Variants in PARP8 observed in about 807,000 individuals in gnomAD.
PARP8 encodes protein mono-ADP-ribosyltransferase PARP8.
PARP8 carries 51 observed loss-of-function variants against 124.1 expected under a neutral mutation model. That is an observed-to-expected ratio of 0.41 (90% CI 0.33 to 0.52). The LOEUF is 0.52. Ranked by LOEUF, PARP8 falls within the 20% of genes least tolerant of loss-of-function variation. The pLI is 0.21. For synonymous variants in PARP8, 391 were observed against 361.5 expected (o/e 1.08, Z -0.93); for missense variants, 860 against 1,018.9 (o/e 0.84, Z 2.12).
chr5:50,738,282 C>T (rs1031927843), intron 2 of PARP8, among the ~76,000 whole-genome samples: 2 of 152,060 alleles, frequency 1.3e-5, no homozygotes, highest in Non-Finnish European at 2.9e-5. Flanking sequence ...TTATCTTTGG[C>T]GAGCAGAAAA....
chr5:50,806,402 A>G (rs1210237284), intron 14 of PARP8, among the ~76,000 whole-genome samples: 1 of 152,080 alleles, frequency 6.6e-6, no homozygotes, highest in Non-Finnish European at 1.5e-5. Context: ...TATAGTAAGT[A>G]GTGGAAATAC....
At chr5:50,811,015 A>T (rs1188868828) in intron 14 of PARP8, among the ~76,000 whole-genome samples, 1 of 152,084 alleles carries the variant, frequency 6.6e-6, no homozygotes, top group Non-Finnish European at 1.5e-5. Context: ...TTTTGTTTCC[A>T]AAAAGCAGAT....
chr5:50,715,648 A>C (rs1346515861), intron 2 of PARP8, among the ~76,000 whole-genome samples: 1 of 152,108 alleles, frequency 6.6e-6, no homozygotes, highest in Non-Finnish European at 1.5e-5. Flanking sequence ...CACCACAGAC[A>C]GTAGTAACAA....
intron 2 of PARP8, among the ~76,000 whole-genome samples, chr5:50,716,420 T>C (rs1755326553): frequency 6.6e-6 from 1 of 152,086 alleles, no homozygotes; most frequent in African/African-American, 2.4e-5. Context: ...GAGCTGGCTT[T>C]ATAGGCAGAA....
At chr5:50,837,253 T>G (rs1319805252) in intron 25 of PARP8, among the ~76,000 whole-genome samples, 1 of 152,146 alleles carries the variant, frequency 6.6e-6, no homozygotes, top group Non-Finnish European at 1.5e-5. Flanking sequence ...TTCATCCTTT[T>G]TGCACCCTCA....
intron 2 of PARP8, among the ~76,000 whole-genome samples, chr5:50,692,543 T>G (rs1752605770): frequency 6.6e-6 from 1 of 152,050 alleles, no homozygotes. Context: ...TCTTCTTTGT[T>G]AGTACAGTGC....
At chr5:50,675,093 C>T (rs913980934) in intron 2 of PARP8, among the ~76,000 whole-genome samples, 2 of 152,184 alleles carry the variant, frequency 1.3e-5, no homozygotes, top group African/African-American at 4.8e-5. Context: ...GATGACAAAT[C>T]ATTCAATATT....
chr5:50,732,571 A>T (rs1757074253), intron 2 of PARP8, among the ~76,000 whole-genome samples: 1 of 152,148 alleles, frequency 6.6e-6, no homozygotes, highest in Non-Finnish European at 1.5e-5. Flanking sequence ...TTTAATGATA[A>T]TGTAAATGAC....
chr5:50,814,458 G>A (rs1353586758), intron 14 of PARP8, among the ~76,000 whole-genome samples: 1 of 152,010 alleles, frequency 6.6e-6, no homozygotes, highest in African/African-American at 2.4e-5. Flanking sequence ...TTCTGAAAAT[G>A]GAATCAAATG....
At chr5:50,821,459 C>A in intron 16 of PARP8, 121 bp downstream of exon 16, 2 of 1,074,210 alleles carry the variant, frequency 1.9e-6, no homozygotes, top group Admixed American at 2.3e-5. Flanking sequence ...CAAGCATATC[C>A]ATGAGTATTT....
At chr5:50,807,810 C>T (rs915590930) in intron 14 of PARP8, among the ~76,000 whole-genome samples, 12 of 152,160 alleles carry the variant, frequency 7.9e-5, no homozygotes, top group African/African-American at 2.9e-4. Context: ...TTTCCCACAT[C>T]AACATGTGAT....
intron 21 of PARP8, 34 bp downstream of exon 21, chr5:50,828,418 T>A: frequency 6.4e-7 from 1 of 1,564,202 alleles, no homozygotes; most frequent in Non-Finnish European, 8.8e-7. Flanking sequence ...AAGACTTCAT[T>A]CTTCTTCAGA....
rs771141553 is a variant in PARP8 at position 50,668,138 on chromosome 5, A to G, written c.146+13A>G. Reference sequence around the variant, plus strand: ...GCGGCCCCAGAAGGTATTTATGTGTATAGAGTTGCTTCATTTCCTGTTCAC... The same window carrying G: ...GCGGCCCCAGAAGGTATTTATGTGTGTAGAGTTGCTTCATTTCCTGTTCAC... On this transcript the variant is annotated intron_variant, in intron 2 of 25. Coordinates refer to ENST00000281631, the MANE Select transcript of PARP8 (RefSeq NM_024615.4). 1.9e-6 allele frequency: 3 copies of G among 1,586,594 alleles called. No homozygotes were observed. The African/African-American group carries it at 4.0e-5, about 21-fold the overall frequency.
Position 50,669,377 on chromosome 5 carries a change from A to G in PARP8, c.146+1252A>G, listed in dbSNP as rs2149428444. 2 of 152,362 alleles carry G rather than the reference A, an allele frequency of 1.3e-5. 1 individual carries two copies. The highest frequency in any genetic ancestry group is 4.1e-4 in the South Asian group (2 of 4,832). 9.4% of individuals were successfully genotyped at this position (152,362 alleles called of 1,614,324 possible). A position where few individuals can be genotyped will look rare whatever the true frequency, so the allele number is the denominator to read the frequency against. On this transcript the variant is annotated intron_variant, in intron 2 of 25. Coordinates refer to ENST00000281631, the MANE Select transcript of PARP8 (RefSeq NM_024615.4). ...TCTAAAGGATCTTCGTATATGACTA[A>G]TATCCTCTTGGATTATTTTAACAGT...
Position 50,795,297 on chromosome 5 carries a change from C to T in PARP8, c.1308C>T (p.Ala436=), listed in dbSNP as rs147344197. ...HKLLSKSYSS[A]PKSSKTELFK... ...TGCTCAGCAAGTCCTACTCCAGTGC[C>T]CCCAAGTCATCCAAAACTGAGCTTT... Residue 436 remains alanine (A), a synonymous_variant, in exon 12 of 26, where the codon GCC becomes GCT. Coordinates refer to ENST00000281631, the MANE Select transcript of PARP8 (RefSeq NM_024615.4). 6 of 1,613,960 alleles carry T rather than the reference C, an allele frequency of 3.7e-6. No individual in the cohort carries two copies. The highest frequency in any genetic ancestry group is 2.2e-5 in the East Asian group (1 of 44,892).
At position 50,827,964 on chromosome 5, in the gene PARP8, T is replaced by G. The variant is rs750465279; in HGVS notation, c.1998T>G (p.Thr666=). 1.1e-5 allele frequency: 18 copies of G among 1,612,908 alleles called. No homozygotes were observed. The highest frequency in any genetic ancestry group is 1.4e-5 in the Non-Finnish European group (17 of 1,178,958). ...PVNRQLKFMH[T]PHQFLLLSSP... ...GGCAGCAATTGAAGTTTATGCATAC[T>G]CCACATCAGTTCCTTCTTCTCAGCA... Residue 666 remains threonine (T), a synonymous_variant, in exon 20 of 26, where the codon ACT becomes ACG. Coordinates refer to ENST00000281631, the MANE Select transcript of PARP8 (RefSeq NM_024615.4).
intron 14 of PARP8, among the ~76,000 whole-genome samples, chr5:50,809,983 T>C (rs1332578351): frequency 6.6e-6 from 1 of 152,040 alleles, no homozygotes; most frequent in Non-Finnish European, 1.5e-5. Flanking sequence ...TAAAATATTC[T>C]TCAGGGCTTA....
chr5:50,809,698 C>T (rs1400767028), intron 14 of PARP8, among the ~76,000 whole-genome samples: 1 of 151,930 alleles, frequency 6.6e-6, no homozygotes, highest in Non-Finnish European at 1.5e-5. Context: ...CAGGAATAAG[C>T]TCCACTTTTA....
intron 2 of PARP8, among the ~76,000 whole-genome samples, chr5:50,740,837 T>G (rs1757972908): frequency 6.6e-6 from 1 of 151,846 alleles, no homozygotes; most frequent in Non-Finnish European, 1.5e-5. Flanking sequence ...AAAAAGATTA[T>G]ATATTTGATA....
Sources: allele counts gnomAD v4.1 joint callset (sites outside exome capture counted in the v4.1 genomes callset), GRCh38; gene constraint gnomAD v4.1.1; transcripts MANE v1.5; gene names NCBI Gene and HGNC (gene_info 2026-07-23, HGNC 2026-07-21).